KHDRBS2: variants seen among roughly 807,000 people sequenced by gnomAD.
KHDRBS2 encodes KH domain-containing, RNA-binding, signal transduction-associated protein 2.
In KHDRBS2, 26 loss-of-function variants were observed where a neutral mutation model predicts 44.3. That is an observed-to-expected ratio of 0.59 (90% CI 0.43 to 0.81). KHDRBS2 has a LOEUF of 0.81. Among genes scored for constraint, KHDRBS2 ranks in the 40% least tolerant of loss-of-function variants. The pLI is 0.00. For missense variants in KHDRBS2, 476 were observed against 433.1 expected (o/e 1.10, Z -0.88); for synonymous variants, 194 against 151.1 (o/e 1.28, Z -2.08).
At chr6:61,926,862 A>C (rs1206957046) in intron 4 of KHDRBS2, among the ~76,000 whole-genome samples, 1 of 151,734 alleles carries the variant, frequency 6.6e-6, no homozygotes, top group Non-Finnish European at 1.5e-5. Flanking sequence ...CAGACTAAAC[A>C]CTGTTTTCCT....
the KHDRBS2 span, among the ~76,000 whole-genome samples, chr6:61,551,886 C>T: frequency 6.6e-6 from 1 of 151,836 alleles, no homozygotes; most frequent in Non-Finnish European, 1.5e-5. Flanking sequence ...TTAGTTTTTT[C>T]CTAATTCTAT....
chr6:61,871,474 C>G lies in KHDRBS2; in HGVS notation c.810+23161G>C, dbSNP rs140958848. ...GGAGAACTTCCCCAACCTAGCAAGA[C>G]AGAATAACATTCAAATTCAGGAAAT... On this transcript the variant is annotated intron_variant, in intron 6 of 8. Transcript: ENST00000281156. 4.6e-3 allele frequency among the ~76,000 whole-genome samples: 694 copies of G among 152,218 alleles called. 13 individuals are homozygous for G. The highest frequency in any genetic ancestry group is 0.016 in the African/African-American group (661 of 41,514).
chr6:62,256,236 T>C (rs1307172538), intron 1 of KHDRBS2, among the ~76,000 whole-genome samples: 2 of 152,008 alleles, frequency 1.3e-5, no homozygotes, highest in Non-Finnish European at 2.9e-5. Context: ...TGCCCCGACA[T>C]TAGATTCCAA....
intron 1 of KHDRBS2, among the ~76,000 whole-genome samples, chr6:62,187,992 G>T (rs1823793428): frequency 6.6e-6 from 1 of 151,994 alleles, no homozygotes; most frequent in South Asian, 2.1e-4. Flanking sequence ...CGAAAAGGAA[G>T]GGGAGCCAGC....
At chr6:61,950,465 T>C (rs942129016) in intron 4 of KHDRBS2, among the ~76,000 whole-genome samples, 3 of 151,990 alleles carry the variant, frequency 2.0e-5, no homozygotes, top group African/African-American at 7.2e-5. Context: ...TTCATATAGA[T>C]AGAGCTTCCT....
chr6:62,107,060 C>T (rs1281583049), intron 2 of KHDRBS2, among the ~76,000 whole-genome samples: 2 of 152,126 alleles, frequency 1.3e-5, no homozygotes, highest in South Asian at 2.1e-4. Flanking sequence ...TCTCACCACT[C>T]CTATTCAACA....
At chr6:61,888,579 T>G (rs1801322797) in intron 6 of KHDRBS2, among the ~76,000 whole-genome samples, 1 of 120,566 alleles carries the variant, frequency 8.3e-6, no homozygotes, top group African/African-American at 2.7e-5. Context: ...TTTTTTTTTT[T>G]TGAGACGAGT....
chr6:62,200,712 T>A (rs1826780878), intron 1 of KHDRBS2, among the ~76,000 whole-genome samples: 1 of 152,202 alleles, frequency 6.6e-6, no homozygotes, highest in Admixed American at 6.5e-5. Context: ...AAATACCATT[T>A]GACGCAGCCA....
chr6:62,003,782 C>CA (rs1778705906), intron 3 of KHDRBS2, among the ~76,000 whole-genome samples: 1 of 152,130 alleles, frequency 6.6e-6, no homozygotes, highest in Non-Finnish European at 1.5e-5. Context: ...CACTCCTCAG[C>CA]AAATGTAAAA....
chr6:62,209,472 C>T (rs1231728167), intron 1 of KHDRBS2, among the ~76,000 whole-genome samples: 2 of 152,212 alleles, frequency 1.3e-5, no homozygotes, highest in African/African-American at 2.4e-5. Context: ...TGTATACACA[C>T]ATCAACACAC....
intron 6 of KHDRBS2, 92 bp downstream of exon 6, chr6:61,894,543 G>T (rs1802554900): frequency 1.0e-6 from 1 of 969,582 alleles, no homozygotes; most frequent in Non-Finnish European, 1.6e-6. Flanking sequence ...AACATTACCT[G>T]CTATATTCAC....
chr6:61,959,711 T>C (rs528303149), intron 4 of KHDRBS2, among the ~76,000 whole-genome samples: 1 of 152,138 alleles, frequency 6.6e-6, no homozygotes, highest in Non-Finnish European at 1.5e-5. Context: ...ATGGGTTAAG[T>C]TATGGGTTAG....
chr6:62,054,343 C>A (rs1789782567), intron 2 of KHDRBS2, among the ~76,000 whole-genome samples: 1 of 151,982 alleles, frequency 6.6e-6, no homozygotes, highest in African/African-American at 2.4e-5. Flanking sequence ...ACAAATAGAG[C>A]AATGGAATCC....
In KHDRBS2 at chr6:61,715,912, C is replaced by T. The variant is rs558339434; in HGVS notation, c.893+16770G>A. On this transcript the variant is annotated intron_variant, in intron 7 of 8. Coordinates refer to ENST00000281156, the MANE Select transcript of KHDRBS2 (RefSeq NM_152688.4). ...ATGTTTAATTTCTTTAAATTAGTTG[C>T]CAGTATCTAAAAATCAGAGTATTGC... 1.6e-4 allele frequency among the ~76,000 whole-genome samples: 24 copies of T among 151,644 alleles called. 1 individual carries two copies. The highest frequency in any genetic ancestry group is 5.6e-4 in the African/African-American group (23 of 41,366).
intron 2 of KHDRBS2, among the ~76,000 whole-genome samples, chr6:62,055,449 G>A (rs1162946347): frequency 6.6e-6 from 1 of 152,004 alleles, no homozygotes; most frequent in Non-Finnish European, 1.5e-5. Context: ...TGGCCAGAGT[G>A]TGGAGAAACA....
intron 6 of KHDRBS2, among the ~76,000 whole-genome samples, chr6:61,749,421 A>T (rs1777342793): frequency 6.6e-6 from 1 of 152,198 alleles, no homozygotes; most frequent in Admixed American, 6.5e-5. Flanking sequence ...AGAAATTTTT[A>T]AAATATGTTT....
intron 6 of KHDRBS2, among the ~76,000 whole-genome samples, chr6:61,787,737 T>A (rs552741247): frequency 6.6e-6 from 1 of 151,828 alleles, no homozygotes; most frequent in East Asian, 1.9e-4. Flanking sequence ...CCTGGTTTCT[T>A]CCAATCAGAT....
In KHDRBS2 at chr6:61,977,220, G is replaced by A. The variant is rs193282295; in HGVS notation, c.483+846C>T. On this transcript the variant is annotated intron_variant, in intron 4 of 8. Transcript: ENST00000281156. Reference sequence around the variant, plus strand: ...TTCATTGTGCAGATCTATCTTAGCTGTGTGCTTTCTCTGTTGAAGACTCTG... The same window carrying A: ...TTCATTGTGCAGATCTATCTTAGCTATGTGCTTTCTCTGTTGAAGACTCTG... Among the ~76,000 whole-genome samples, 387 of 152,132 alleles carry A rather than the reference G, an allele frequency of 2.5e-3. 1 individual carries two copies. Among genetic ancestry groups the A allele is most frequent in the Non-Finnish European group, 4.7e-3 (321 of 67,956 alleles).
the KHDRBS2 span, among the ~76,000 whole-genome samples, chr6:61,604,553 A>G: frequency 6.6e-6 from 1 of 152,206 alleles, no homozygotes; most frequent in Non-Finnish European, 1.5e-5. Context: ...TGTAGGTTAC[A>G]AGCCGCTAGC....
Sources: allele counts gnomAD v4.1 joint callset (sites outside exome capture counted in the v4.1 genomes callset), GRCh38; gene constraint gnomAD v4.1.1; transcripts MANE v1.5; gene names NCBI Gene and HGNC (gene_info 2026-07-23, HGNC 2026-07-21).